The following NALF1 variants were observed in gnomAD, a reference collection of about 807,000 sequenced individuals.
NALF1 encodes NALCN channel auxiliary factor 1.
A neutral mutation model predicts 48.4 loss-of-function variants in NALF1; 3 were observed. The observed-to-expected ratio is 0.06, with a 90% confidence interval of 0.03 to 0.16. The LOEUF (loss-of-function observed/expected upper bound fraction) is 0.16, where lower values mean the gene tolerates loss of function less well. Among genes scored for constraint, NALF1 ranks in the 10% least tolerant of loss-of-function variants. NALF1 has a pLI of 1.00. For missense variants in NALF1, 526 were observed against 571.5 expected (o/e 0.92, Z 0.81); for synonymous variants, 262 against 245.7 (o/e 1.07, Z -0.62).
Position 107,165,040 on chromosome 13 carries a change from C to T in NALF1, c.*5457G>A, listed in dbSNP as rs1266453098. The T allele has an allele frequency of 6.6e-6, 1 of 152,196 alleles. No individual in the cohort carries two copies. Among genetic ancestry groups the T allele is most frequent in the Non-Finnish European group, 1.5e-5 (1 of 68,034 alleles). The allele number at this position is 152,196 out of a possible 1,614,324, so 9.4% of individuals were successfully genotyped here. ...TCACGTACAAATACATCATTGACCTCCCTGTGTCACCTGGAGCCAAAGCTC... is the reference window on the plus strand; with the variant it reads ...TCACGTACAAATACATCATTGACCTTCCTGTGTCACCTGGAGCCAAAGCTC... On this transcript the variant is annotated 3_prime_UTR_variant, in exon 3 of 3. Coordinates refer to ENST00000375915, the MANE Select transcript of NALF1 (RefSeq NM_001080396.3).
intron 1 of NALF1, among the ~76,000 whole-genome samples, chr13:107,338,601 A>C (rs1442655012): frequency 1.3e-5 from 2 of 152,178 alleles, no homozygotes; most frequent in Non-Finnish European, 2.9e-5. Flanking sequence ...AAATAAAGAC[A>C]ATAATTGACC....
At chr13:107,687,502 G>GCACA (rs57085950) in intron 1 of NALF1, among the ~76,000 whole-genome samples, 106,005 of 148,972 alleles carry the variant, frequency 0.71, 38,347 homozygotes, top group Non-Finnish European at 0.8. Flanking sequence ...CAGTGCACAT[G>GCACA]CACACACACA....
chr13:107,829,203 G>T (rs1879630982), intron 1 of NALF1, among the ~76,000 whole-genome samples: 1 of 152,188 alleles, frequency 6.6e-6, no homozygotes, highest in African/African-American at 2.4e-5. Flanking sequence ...ATGTGAGAAT[G>T]ACATGGATGT....
chr13:107,372,718 G>A (rs1411294335), intron 1 of NALF1, among the ~76,000 whole-genome samples: 1 of 152,186 alleles, frequency 6.6e-6, no homozygotes, highest in Admixed American at 6.5e-5. Flanking sequence ...CTTTAAAAAT[G>A]TGTTCTACAG....
intron 1 of NALF1, among the ~76,000 whole-genome samples, chr13:107,545,533 A>G (rs563074838): frequency 4.6e-5 from 7 of 152,284 alleles, no homozygotes; most frequent in African/African-American, 1.7e-4. Context: ...GGAAGGAAGG[A>G]CTAGGTCAGG....
intron 2 of NALF1, among the ~76,000 whole-genome samples, chr13:107,188,584 T>C (rs541512102): frequency 6.6e-6 from 1 of 152,150 alleles, no homozygotes. Context: ...TTGGGAGTAA[T>C]GGAGACAGAT....
chr13:107,259,919 C>A (rs908750663), intron 1 of NALF1, among the ~76,000 whole-genome samples: 1 of 152,300 alleles, frequency 6.6e-6, no homozygotes, highest in Non-Finnish European at 1.5e-5. Context: ...TGAGAGCAAG[C>A]ACTATGTCTA....
intron 1 of NALF1, among the ~76,000 whole-genome samples, chr13:107,602,788 A>G (rs777032983): frequency 6.6e-6 from 1 of 152,228 alleles, no homozygotes; most frequent in African/African-American, 2.4e-5. Flanking sequence ...CACCTTGCCA[A>G]CGCCATCGAT....
At chr13:107,297,270 G>A (rs758453654) in intron 1 of NALF1, among the ~76,000 whole-genome samples, 1 of 152,132 alleles carries the variant, frequency 6.6e-6, no homozygotes, top group Non-Finnish European at 1.5e-5. Flanking sequence ...TGTTGAGGAC[G>A]TAGTAAGCAC....
rs553867047 is a variant in NALF1, at chr13:107,174,897, T to C, written c.1088-4111A>G. 1.8e-3 allele frequency among the ~76,000 whole-genome samples: 267 copies of C among 148,972 alleles called. 1 individual carries two copies. Among genetic ancestry groups the C allele is most frequent in the African/African-American group, 6.3e-3 (245 of 38,864 alleles). ...ATCTTTTCTTTTTCTTTTTCTTTTT[T>C]TTTTGAGACGGAGTCTCGCTCTGTC... On this transcript the variant is annotated intron_variant, in intron 2 of 2. Coordinates refer to ENST00000375915, the MANE Select transcript of NALF1 (RefSeq NM_001080396.3).
chr13:107,305,594 G>A (rs1393711426), intron 1 of NALF1, among the ~76,000 whole-genome samples: 3 of 152,186 alleles, frequency 2.0e-5, no homozygotes, highest in Non-Finnish European at 4.4e-5. Flanking sequence ...TGGCAGAAAA[G>A]AGCCTGAGTC....
chr13:107,505,510 G>T (rs1173045482), intron 1 of NALF1, among the ~76,000 whole-genome samples: 2 of 152,162 alleles, frequency 1.3e-5, no homozygotes, highest in South Asian at 4.1e-4. Flanking sequence ...ATGGAAGGAA[G>T]GATGGCAGGA....
intron 1 of NALF1, among the ~76,000 whole-genome samples, chr13:107,544,439 T>C (rs1289013073): frequency 6.6e-6 from 1 of 152,140 alleles, no homozygotes; most frequent in Non-Finnish European, 1.5e-5. Flanking sequence ...AAAACTGCAA[T>C]TTTGCCCAAC....
chr13:107,195,160 G>T (rs1416748727), intron 2 of NALF1, among the ~76,000 whole-genome samples: 1 of 152,122 alleles, frequency 6.6e-6, no homozygotes, highest in Non-Finnish European at 1.5e-5. Flanking sequence ...GAGTGTGGAG[G>T]TTCCTTAAAG....
At chr13:107,633,304 CAG>C (rs1446386701) in intron 1 of NALF1, among the ~76,000 whole-genome samples, 8 of 152,080 alleles carry the variant, frequency 5.3e-5, no homozygotes, top group Admixed American at 2.0e-4. Context: ...AAAATTGTGT[CAG>C]AGTACTCAAG....
chr13:107,432,010 C>A (rs1884390090), intron 1 of NALF1, among the ~76,000 whole-genome samples: 2 of 152,098 alleles, frequency 1.3e-5, no homozygotes. Context: ...TAAAGGAGTA[C>A]CTGAAACTGG....
chr13:107,414,205 C>CATATATATATAGAACATTTCTAT (rs1884044662), intron 1 of NALF1, among the ~76,000 whole-genome samples: 1 of 136,658 alleles, frequency 7.3e-6, no homozygotes, highest in Non-Finnish European at 1.7e-5. Context: ...ATTTGAAAAA[C>CATATATATATAGAACATTTCTAT]ATATATATAT....
At chr13:107,799,090 T>G (rs1048807133) in intron 1 of NALF1, among the ~76,000 whole-genome samples, 6 of 152,180 alleles carry the variant, frequency 3.9e-5, no homozygotes, top group African/African-American at 1.4e-4. Context: ...CCCCAAAGCC[T>G]CTGCCCTTAA....
At chr13:107,180,086 A>G (rs2138773553) in intron 2 of NALF1, among the ~76,000 whole-genome samples, 1 of 151,118 alleles carries the variant, frequency 6.6e-6, no homozygotes, top group African/African-American at 2.4e-5. Context: ...AAAATATCTC[A>G]TGTACCCCAT....
Sources: gnomAD v4.1 joint callset for allele counts (sites outside exome capture counted in the v4.1 genomes callset) on GRCh38, gnomAD v4.1.1 for gene constraint, MANE v1.5 for transcripts, NCBI Gene and HGNC (gene_info 2026-07-23, HGNC 2026-07-21) for gene names.